The following ATG2B variants were observed in gnomAD, a reference collection of about 807,000 sequenced individuals.
The protein encoded by ATG2B is autophagy related 2B.
ATG2B carries 121 observed loss-of-function variants against 241.3 expected under a neutral mutation model. That is an observed-to-expected ratio of 0.50 (90% CI 0.43 to 0.58). ATG2B has a LOEUF of 0.58. ATG2B is among the 20% of genes least tolerant of loss of function. The pLI, the probability that ATG2B is intolerant of heterozygous loss-of-function variation, is 0.00. For synonymous variants in ATG2B, 858 were observed against 876.6 expected, an observed-to-expected ratio of 0.98 and a Z score of 0.37; for missense variants, 2,306 against 2,491.6, an observed-to-expected ratio of 0.93 and a Z score of 1.59.
At chr14:96,332,158 G>A in intron 10 of ATG2B, 147 bp downstream of exon 10, 1 of 609,686 alleles carries the variant, frequency 1.6e-6, no homozygotes, top group Admixed American at 3.0e-5. Flanking sequence ...ACTTCACAGT[G>A]AATTGTTTAA....
intron 1 of ATG2B, among the ~76,000 whole-genome samples, chr14:96,360,597 A>G (rs889240240): frequency 6.6e-6 from 1 of 152,246 alleles, no homozygotes; most frequent in Non-Finnish European, 1.5e-5. Flanking sequence ...TATATATGCA[A>G]TGTCAATTAG....
intron 41 of ATG2B, among the ~76,000 whole-genome samples, chr14:96,287,883 C>T (rs1220940380): frequency 6.6e-6 from 1 of 152,222 alleles, no homozygotes; most frequent in Non-Finnish European, 1.5e-5. Flanking sequence ...CTAGTCTACC[C>T]TGCAGCCTAG....
rs1887292479 is a variant in ATG2B, at chr14:96,315,725, A to G, written c.3362-142T>C. ...GCATGATGACAAAAACCAGCATGGCATTAATAATCCACTCCTCTTTGCTAA... is the reference window on the plus strand; with the variant it reads ...GCATGATGACAAAAACCAGCATGGCGTTAATAATCCACTCCTCTTTGCTAA... On this transcript the variant is annotated intron_variant, in intron 21 of 41. Transcript: ENST00000359933. The G allele has an allele frequency of 7.7e-6, 5 of 648,790 alleles. No individual in the cohort carries two copies. The Admixed American group carries it at 1.4e-4, about 18-fold the overall frequency. The allele number at this position is 648,790 out of a possible 1,614,324, so 40.2% of individuals were successfully genotyped here. A position where few individuals can be genotyped will look rare whatever the true frequency, so the allele number is the denominator to read the frequency against.
chr14:96,290,164 T>C lies in ATG2B; in HGVS notation c.5856+272A>G, dbSNP rs1886446063. The C allele has an allele frequency of 4.7e-6, 6 of 1,266,920 alleles. No individual in the cohort carries two copies. In the African/African-American group the frequency reaches 6.0e-5, roughly 13 times the overall value. The allele number at this position is 1,266,920 out of a possible 1,614,324, so 78.5% of individuals were successfully genotyped here. ...TTCAAATTTAGCTACGATCCTTTCA[T>C]ACAAATATGGTGAAATCAATCCTCT... On this transcript the variant is annotated intron_variant, in intron 40 of 41. Coordinates refer to ENST00000359933, the MANE Select transcript of ATG2B (RefSeq NM_018036.7). The surrounding 1 kb of genome is among the most constrained non-coding windows in gnomAD (Gnocchi z 4.4).
rs1018353313 is a variant in ATG2B, at chr14:96,322,413, A to C, written c.2736+127T>G. On this transcript the variant is annotated intron_variant, in intron 17 of 41. Coordinates refer to ENST00000359933, the MANE Select transcript of ATG2B (RefSeq NM_018036.7). The stretch of plus-strand genomic sequence containing the variant: ...CACCAAGAAAAAATAGGTATTATTC[A>C]ATTTTGAAGTTTAAGACCTAGCAAA... 162 of 1,290,980 alleles carry C rather than the reference A, an allele frequency of 1.3e-4. No homozygotes were observed. The African/African-American group carries it at 2.2e-3, about 17-fold the overall frequency. The allele number at this position is 1,290,980 out of a possible 1,614,324, so 80.0% of individuals were successfully genotyped here. A position where few individuals can be genotyped will look rare whatever the true frequency, so the allele number is the denominator to read the frequency against.
At chr14:96,352,821 GTCTAGCCGAAGTGTACAGTGTTTAT>G (rs776502282) in intron 1 of ATG2B, among the ~76,000 whole-genome samples, 17 of 151,692 alleles carry the variant, frequency 1.1e-4, no homozygotes, top group South Asian at 2.1e-4. Context: ...TATTAATATA[GTCTAGCCGAAGTGTACAGTGTTTAT>G]TCTAGCCGAA....
At chr14:96,288,985 A>C (rs1202167261) in intron 41 of ATG2B, among the ~76,000 whole-genome samples, 2 of 152,160 alleles carry the variant, frequency 1.3e-5, no homozygotes, top group Non-Finnish European at 2.9e-5. Flanking sequence ...CAGGGGAAAA[A>C]TGGAAACTGA....
At position 96,340,112 on chromosome 14, in the gene ATG2B, TATATATGAATATATATATCATATATG is replaced by T. The variant is rs1300250693; in HGVS notation, c.924+1384_924+1409del. 2.5e-4 allele frequency among the ~76,000 whole-genome samples: 6 copies of T among 24,008 alleles called. No individual in the cohort carries two copies. The East Asian group carries it at 2.8e-3, about 11-fold the overall frequency. The allele number at this position is 24,008 out of a possible 152,430, so 15.8% of individuals were successfully genotyped here. ...AATATATGCTATATAGAATATATGA[TATATATGAATATATATATCATATATG>T]ATATATATGAATATATATATCATAT... On this transcript the variant is annotated intron_variant, in intron 6 of 41. Transcript: ENST00000359933.
intron 36 of ATG2B, 109 bp downstream of exon 36, chr14:96,294,850 AG>A: frequency 1.2e-6 from 1 of 868,868 alleles, no homozygotes. Flanking sequence ...ATGATTTGGC[AG>A]TGCAAAGAAA....
At chr14:96,317,926 C>A (rs1036490685) in intron 18 of ATG2B, 71 bp from the exon 19 acceptor site, 7 of 1,172,480 alleles carry the variant, frequency 6.0e-6, no homozygotes, top group African/African-American at 1.5e-5. Flanking sequence ...AAAAAAAAAT[C>A]CTTTTAAAAG....
chr14:96,317,069 C>A, intron 20 of ATG2B, 76 bp downstream of exon 20: 1 of 1,295,582 alleles, frequency 7.7e-7, no homozygotes, highest in Non-Finnish European at 1.1e-6. Flanking sequence ...ATACTTCAAT[C>A]ACTAGATATG....
At position 96,295,494 on chromosome 14, in the gene ATG2B, G is replaced by C. The variant is rs1886612261; in HGVS notation, c.5206C>G (p.Pro1736Ala). The C allele has an allele frequency of 6.2e-7, 1 of 1,600,818 alleles. No homozygotes were observed. The highest frequency in any genetic ancestry group is 8.5e-7 in the Non-Finnish European group (1 of 1,174,132). The change falls in exon 35 of 42, where the codon CCA (proline) becomes GCA (alanine). Residue 1736 changes from proline (P) to alanine (A), a missense_variant. By Grantham distance (27) the Pro-to-Ala change is conservative. This residue lies in a region of ATG2B where 379 missense variants were observed against 480.4 expected (regional missense o/e 0.79). Transcript: ENST00000359933. ...LSAEVELQMT[P>A]DPEVKKSPGA... ...ACATATTTAATACCTTCTGGATCTGGAGTCATTTGAAGCTCTACTTCTGCA... is the reference window on the plus strand; with the variant it reads ...ACATATTTAATACCTTCTGGATCTGCAGTCATTTGAAGCTCTACTTCTGCA...
In ATG2B at chr14:96,322,264, A is replaced by G; in HGVS notation, c.2737-10T>C. 1 of 1,583,474 alleles carries G rather than the reference A, an allele frequency of 6.3e-7. No homozygotes were observed. The highest frequency in any genetic ancestry group is 8.5e-7 in the Non-Finnish European group (1 of 1,171,756). On this transcript the variant is annotated splice_polypyrimidine_tract_variant and intron_variant, in intron 17 of 41. Coordinates refer to ENST00000359933, the MANE Select transcript of ATG2B (RefSeq NM_018036.7). ...CTCCTGGCATCACCATCTAAAACAT[A>G]ATAGTTCAGTGCAAAAAAAAAGGCA...
Position 96,289,235 on chromosome 14 carries a change from A to G in ATG2B, c.6006+421T>C, listed in dbSNP as rs1886416834. ...ATAATAAAACTATATAAAAACATGT[A>G]CAAAAAAATATGTTCCACGTTCAGC... is the stretch of plus-strand genomic sequence containing the variant. On this transcript the variant is annotated intron_variant, in intron 41 of 41. Coordinates refer to ENST00000359933, the MANE Select transcript of ATG2B (RefSeq NM_018036.7). The surrounding 1 kb of genome is among the most constrained non-coding windows in gnomAD (Gnocchi z 4.3). 6.6e-6 allele frequency among the ~76,000 whole-genome samples: 1 copy of G among 152,244 alleles called. No homozygotes were observed. The highest frequency in any genetic ancestry group is 2.4e-5 in the African/African-American group (1 of 41,468).
At chr14:96,330,526 G>A (rs1887705381) in intron 11 of ATG2B, among the ~76,000 whole-genome samples, 1 of 152,128 alleles carries the variant, frequency 6.6e-6, no homozygotes, top group Non-Finnish European at 1.5e-5. Flanking sequence ...CACTTTGGGA[G>A]ACCGAGGCAG....
chr14:96,305,830 C>G lies in ATG2B; in HGVS notation c.4507-15G>C. The G allele has an allele frequency of 6.3e-7, 1 of 1,589,162 alleles. No individual in the cohort carries two copies. Among genetic ancestry groups the G allele is most frequent in the Non-Finnish European group, 8.6e-7 (1 of 1,157,650 alleles). On this transcript the variant is annotated splice_polypyrimidine_tract_variant and intron_variant, in intron 30 of 41. Coordinates refer to ENST00000359933, the MANE Select transcript of ATG2B (RefSeq NM_018036.7). The stretch of plus-strand genomic sequence containing the variant: ...TCTTCCTTCTCCTAAAATAAACAAA[C>G]AGGTAACACATACTCTCTTTTCTAA...
At chr14:96,337,130 A>G (rs1353173601) in intron 6 of ATG2B, among the ~76,000 whole-genome samples, 1 of 152,194 alleles carries the variant, frequency 6.6e-6, no homozygotes, top group Non-Finnish European at 1.5e-5. Flanking sequence ...TTACCAAGGC[A>G]AAGATTGTAT....
chr14:96,295,244 T>C lies in ATG2B; in HGVS notation c.5219-77A>G, dbSNP rs1010528117. On this transcript the variant is annotated intron_variant, in intron 35 of 41. Coordinates refer to ENST00000359933, the MANE Select transcript of ATG2B (RefSeq NM_018036.7). ...AACATTTAAATCAATCTTGATCTAA[T>C]TTGTTTTTCTACATTTTATTTAATC... 5 of 1,310,928 alleles carry C rather than the reference T, an allele frequency of 3.8e-6. No homozygotes were observed. In the African/African-American group the frequency reaches 5.9e-5, roughly 16 times the overall value. 81.2% of individuals were successfully genotyped at this position (1,310,928 alleles called of 1,614,324 possible).
intron 1 of ATG2B, among the ~76,000 whole-genome samples, chr14:96,354,196 A>G (rs191802504): frequency 4.6e-5 from 7 of 152,298 alleles, no homozygotes; most frequent in African/African-American, 1.7e-4. Context: ...ACATACGTAA[A>G]TGTGTCCCAT....
Sources: allele counts gnomAD v4.1 joint callset (sites outside exome capture counted in the v4.1 genomes callset), GRCh38; gene constraint gnomAD v4.1.1; regional missense constraint gnomAD v4.1.1; non-coding constraint Gnocchi (gnomAD v3.1); transcripts MANE v1.5; gene names NCBI Gene and HGNC (gene_info 2026-07-23, HGNC 2026-07-21).